The following PALM2AKAP2 variants were observed in gnomAD, a reference collection of about 807,000 sequenced individuals.
PALM2AKAP2 encodes the protein PALM2 and AKAP2 fusion.
In PALM2AKAP2, 37 loss-of-function variants were observed where a neutral mutation model predicts 71.5. That is an observed-to-expected ratio of 0.52 (90% confidence interval 0.40 to 0.68). The LOEUF is 0.68. Ranked by LOEUF, PALM2AKAP2 falls within the 30% of genes least tolerant of loss-of-function variation. PALM2AKAP2 has a pLI of 0.00. For synonymous variants in PALM2AKAP2, 468 were observed against 478.8 expected (o/e 0.98, Z 0.29); for missense variants, 1,224 against 1,191.8 (o/e 1.03, Z -0.40).
chr9:109,767,946 G>A (rs1229568697), intron 1 of PALM2AKAP2, among the ~76,000 whole-genome samples: 1 of 152,240 alleles, frequency 6.6e-6, no homozygotes, highest in Non-Finnish European at 1.5e-5. Context: ...AGGAAAAGAG[G>A]GAGAGAGGGA....
chr9:110,149,869 T>C (rs1041549186), intron 2 of PALM2AKAP2, among the ~76,000 whole-genome samples: 1 of 152,224 alleles, frequency 6.6e-6, no homozygotes, highest in Non-Finnish European at 1.5e-5. Flanking sequence ...TGGATGACTA[T>C]CTGACCAAAA....
chr9:109,842,922 C>T (rs2131592977), intron 1 of PALM2AKAP2, among the ~76,000 whole-genome samples: 1 of 152,122 alleles, frequency 6.6e-6, no homozygotes, highest in African/African-American at 2.4e-5. Flanking sequence ...GGGCGGATCA[C>T]CTGAGGTCGG....
chr9:109,905,287 C>T (rs1830421200), intron 3 of PALM2AKAP2, among the ~76,000 whole-genome samples: 1 of 152,218 alleles, frequency 6.6e-6, no homozygotes, highest in Non-Finnish European at 1.5e-5. Flanking sequence ...TGCACTCAGG[C>T]CAGGTGGACT....
intron 1 of PALM2AKAP2, among the ~76,000 whole-genome samples, chr9:109,731,834 G>A (rs1828560157): frequency 6.6e-6 from 1 of 152,162 alleles, no homozygotes; most frequent in Admixed American, 6.5e-5. Flanking sequence ...CATATGTGTG[G>A]CATGTGCATC....
At chr9:109,756,802 A>G (rs1828970575) in intron 1 of PALM2AKAP2, among the ~76,000 whole-genome samples, 1 of 152,266 alleles carries the variant, frequency 6.6e-6, no homozygotes, top group Admixed American at 6.5e-5. Flanking sequence ...AGATTGTTTT[A>G]TGCATGGTTA....
At position 109,968,747 on chromosome 9, in the gene PALM2AKAP2, G is replaced by A. The variant is rs148452868; in HGVS notation, c.496+36719G>A. The stretch of plus-strand genomic sequence containing the variant: ...AAGGAGTCCAGCCGCGATTTTCAGC[G>A]CGATTTTCAGGGCAGCTACATTTCA... On this transcript the variant is annotated intron_variant, in intron 6 of 9. Transcript: ENST00000302798. Among the ~76,000 whole-genome samples the A allele has an allele frequency of 2.8e-4, 42 of 152,258 alleles. 2 individuals are homozygous for A. The East Asian group carries it at 4.6e-3, about 17-fold the overall frequency.
At chr9:109,692,285 A>G (rs1251060970) in intron 1 of PALM2AKAP2, among the ~76,000 whole-genome samples, 1 of 151,800 alleles carries the variant, frequency 6.6e-6, no homozygotes, top group African/African-American at 2.4e-5. Flanking sequence ...TGAGTTTTGC[A>G]TTTTGACTTT....
intron 1 of PALM2AKAP2, among the ~76,000 whole-genome samples, chr9:109,836,539 G>C (rs1055545258): frequency 6.6e-6 from 1 of 152,250 alleles, no homozygotes; most frequent in Non-Finnish European, 1.5e-5. Flanking sequence ...GAATGACTTT[G>C]ATGAGTTGAG....
chr9:109,765,669 T>G (rs571623271), intron 1 of PALM2AKAP2: 1 of 152,446 alleles, frequency 6.6e-6, no homozygotes, highest in East Asian at 1.9e-4. Context: ...CAGTCACAGT[T>G]GAGACCCAGC....
At chr9:109,713,297 A>C (rs1828268142) in intron 1 of PALM2AKAP2, among the ~76,000 whole-genome samples, 1 of 152,160 alleles carries the variant, frequency 6.6e-6, no homozygotes. Context: ...CTGCAGATCA[A>C]AGGAATGGAA....
intron 1 of PALM2AKAP2, among the ~76,000 whole-genome samples, chr9:110,055,503 C>A (rs927220071): frequency 6.6e-6 from 1 of 152,154 alleles, no homozygotes; most frequent in Non-Finnish European, 1.5e-5. Flanking sequence ...GGGGAAGGGG[C>A]CTCTTTTGGT....
intron 2 of PALM2AKAP2, 103 bp from the exon 3 acceptor site, chr9:109,880,448 A>G (rs902792697): frequency 1.3e-6 from 2 of 1,495,350 alleles, no homozygotes; most frequent in African/African-American, 2.7e-5. Context: ...CGATTCAGGC[A>G]GCGCTGGTGA....
At chr9:109,719,168 T>TGAACAAAAA (rs1395888932) in intron 1 of PALM2AKAP2, among the ~76,000 whole-genome samples, 13 of 152,202 alleles carry the variant, frequency 8.5e-5, no homozygotes, top group Admixed American at 6.5e-5. Context: ...ACAATAAAAC[T>TGAACAAAAA]CTGTTAGTTA....
At chr9:109,972,337 G>C (rs1187361712) in intron 6 of PALM2AKAP2, among the ~76,000 whole-genome samples, 1 of 152,210 alleles carries the variant, frequency 6.6e-6, no homozygotes, top group African/African-American at 2.4e-5. Flanking sequence ...GTTGTCTTGA[G>C]TATTCTTTGG....
In PALM2AKAP2 at chr9:109,997,795, G is replaced by A. The variant is rs79144860; in HGVS notation, c.497-18159G>A. ...CAAGGAAGAGCCACCACCTGGAGTG[G>A]GGAGGGTGGGACGGGGTTGCATCCT... On this transcript the variant is annotated intron_variant, in intron 6 of 9. Transcript: ENST00000302798. 9.4e-3 allele frequency among the ~76,000 whole-genome samples: 1,435 copies of A among 152,276 alleles called. 24 individuals are homozygous for A. The highest frequency in any genetic ancestry group is 0.033 in the African/African-American group (1,385 of 41,538).
At chr9:109,817,277 T>A (rs906690774) in intron 1 of PALM2AKAP2, among the ~76,000 whole-genome samples, 2 of 152,200 alleles carry the variant, frequency 1.3e-5, no homozygotes, top group African/African-American at 4.8e-5. Flanking sequence ...CAGAGGCCAA[T>A]TTTGAGCTAG....
intron 1 of PALM2AKAP2, among the ~76,000 whole-genome samples, chr9:109,655,286 G>A (rs1024940279): frequency 4.6e-5 from 6 of 130,102 alleles, no homozygotes; most frequent in Admixed American, 7.8e-5. Context: ...GCGACAGAGC[G>A]AGACTCGGTC....
chr9:109,806,428 C>T (rs1827574738), intron 1 of PALM2AKAP2, among the ~76,000 whole-genome samples: 1 of 152,168 alleles, frequency 6.6e-6, no homozygotes, highest in African/African-American at 2.4e-5. Context: ...ATGGTAAATA[C>T]AAGACAGTCT....
At chr9:110,141,892 A>G (rs181301619) in intron 2 of PALM2AKAP2, among the ~76,000 whole-genome samples, 7 of 152,288 alleles carry the variant, frequency 4.6e-5, no homozygotes, top group African/African-American at 1.7e-4. Context: ...CTTTCCATAC[A>G]AAAGTTATCT....
Sources: gnomAD v4.1 joint callset for allele counts (sites outside exome capture counted in the v4.1 genomes callset) on GRCh38, gnomAD v4.1.1 for gene constraint, MANE v1.5 for transcripts, NCBI Gene and HGNC (gene_info 2026-07-23, HGNC 2026-07-21) for gene names.